The following DGKI variants were observed in gnomAD, a reference collection of about 807,000 sequenced individuals.
DGKI encodes the protein diacylglycerol kinase iota.
Under a neutral mutation model 147.5 loss-of-function variants are expected in DGKI, and 55 were observed. The ratio of observed to expected loss-of-function variants is 0.37; its 90% CI spans 0.30 to 0.47. The LOEUF (loss-of-function observed/expected upper bound fraction) is 0.47. DGKI is among the 20% of genes least tolerant of loss of function. The pLI is 1.00. For synonymous variants in DGKI, 469 were observed against 477.1 expected, an observed-to-expected ratio of 0.98 and a Z score of 0.22; for missense variants, 1,007 against 1,323.8, an observed-to-expected ratio of 0.76 and a Z score of 3.71.
At chr7:137,728,438 T>C (rs1329618038) in intron 1 of DGKI, among the ~76,000 whole-genome samples, 1 of 152,136 alleles carries the variant, frequency 6.6e-6, no homozygotes, top group African/African-American at 2.4e-5. Context: ...GACTTAAACT[T>C]TCAGTCTGTA....
chr7:137,416,107 G>T (rs937569205), intron 28 of DGKI, among the ~76,000 whole-genome samples: 6 of 152,148 alleles, frequency 3.9e-5, no homozygotes, highest in Non-Finnish European at 8.8e-5. Context: ...AACAGAGAAA[G>T]AAAGGAGAAA....
At chr7:137,813,708 T>G (rs1797657956) in intron 1 of DGKI, among the ~76,000 whole-genome samples, 2 of 152,338 alleles carry the variant, frequency 1.3e-5, no homozygotes, top group African/African-American at 2.4e-5. Flanking sequence ...TTTCAAATCT[T>G]AAAAGAGCTT....
At chr7:137,619,321 T>G (rs1330367613) in intron 8 of DGKI, among the ~76,000 whole-genome samples, 1 of 152,078 alleles carries the variant, frequency 6.6e-6, no homozygotes, top group Non-Finnish European at 1.5e-5. Flanking sequence ...TACTTTGCCT[T>G]AAGAAAAAAA....
intron 8 of DGKI, among the ~76,000 whole-genome samples, chr7:137,610,277 C>T (rs576858650): frequency 6.6e-6 from 1 of 152,132 alleles, no homozygotes; most frequent in South Asian, 2.1e-4. Context: ...AAAAGTTTTC[C>T]CTCCCCTGGT....
chr7:137,597,068 A>T (rs907512337), intron 12 of DGKI, among the ~76,000 whole-genome samples: 1 of 152,194 alleles, frequency 6.6e-6, no homozygotes, highest in African/African-American at 2.4e-5. Flanking sequence ...AGGCATAATA[A>T]ACAGGAGAAA....
intron 3 of DGKI, among the ~76,000 whole-genome samples, chr7:137,657,714 C>T (rs540498755): frequency 6.6e-6 from 1 of 152,172 alleles, no homozygotes; most frequent in Non-Finnish European, 1.5e-5. Flanking sequence ...CTTCCCCTTC[C>T]GAGGAGTGGT....
intron 1 of DGKI, among the ~76,000 whole-genome samples, chr7:137,753,081 C>G (rs190043414): frequency 6.6e-6 from 1 of 152,068 alleles, no homozygotes; most frequent in East Asian, 1.9e-4. Flanking sequence ...CCCACAATAC[C>G]CACTTGGAAG....
At chr7:137,598,873 A>G (rs1337103064) in intron 11 of DGKI, among the ~76,000 whole-genome samples, 1 of 151,956 alleles carries the variant, frequency 6.6e-6, no homozygotes, top group Non-Finnish European at 1.5e-5. Flanking sequence ...ATAAATATAT[A>G]TATATGTATT....
At position 137,469,602 on chromosome 7, in the gene DGKI, G is replaced by A. The variant is rs1258596017; in HGVS notation, c.2391C>T (p.Phe797=). Residue 797 remains phenylalanine (F), a synonymous_variant, in exon 24 of 33, where the codon TTC becomes TTT. Coordinates refer to ENST00000614521, the MANE Select transcript of DGKI (RefSeq NM_001321708.2). The part of the protein sequence containing the change: ...RVHYQDHETS[F]PRALSAQRLS... ...GCCTCTGTGCTGAGAGAGCCCTGGG[G>A]AAGGAGGTTTCATGGTCCTGGAAAG... 3.1e-6 allele frequency: 5 copies of A among 1,613,998 alleles called. No individual in the cohort carries two copies. The highest frequency in any genetic ancestry group is 4.2e-6 in the Non-Finnish European group (5 of 1,179,938).
chr7:137,627,371 G>A (rs1820980123), intron 6 of DGKI, among the ~76,000 whole-genome samples: 1 of 152,216 alleles, frequency 6.6e-6, no homozygotes, highest in East Asian at 1.9e-4. Context: ...TCCTTGTCTA[G>A]TTCTTAGCAA....
At chr7:137,808,953 C>A (rs1156343594) in intron 1 of DGKI, among the ~76,000 whole-genome samples, 3 of 152,146 alleles carry the variant, frequency 2.0e-5, no homozygotes, top group African/African-American at 7.2e-5. Flanking sequence ...GGAGCTTTCT[C>A]AAACTCCACA....
chr7:137,656,643 C>T, intron 3 of DGKI, 103 bp from the exon 4 acceptor site: 1 of 1,023,598 alleles, frequency 9.8e-7, no homozygotes, highest in South Asian at 1.5e-5. Flanking sequence ...ATAAATACAG[C>T]AAACATTGTA....
chr7:137,665,348 A>T (rs931051508), intron 3 of DGKI, among the ~76,000 whole-genome samples: 2 of 152,184 alleles, frequency 1.3e-5, no homozygotes, highest in African/African-American at 4.8e-5. Flanking sequence ...TGAATTCCTT[A>T]TATTTTGTCC....
At chr7:137,579,231 T>G (rs1477074450) in intron 15 of DGKI, among the ~76,000 whole-genome samples, 4 of 152,102 alleles carry the variant, frequency 2.6e-5, no homozygotes, top group Non-Finnish European at 5.9e-5. Flanking sequence ...CCGCAGACAG[T>G]GCCTGTGTTG....
chr7:137,498,808 A>G (rs1381841101), intron 21 of DGKI, among the ~76,000 whole-genome samples: 2 of 152,206 alleles, frequency 1.3e-5, no homozygotes, highest in African/African-American at 2.4e-5. Context: ...ACCCCCTGAC[A>G]TGCTCTGCCT....
At chr7:137,546,944 A>G (rs934061084) in intron 20 of DGKI, among the ~76,000 whole-genome samples, 20 of 152,210 alleles carry the variant, frequency 1.3e-4, no homozygotes, top group Admixed American at 9.2e-4. Context: ...GCTCAATTCA[A>G]AGTTTGCTGA....
chr7:137,699,101 C>T (rs557876389), intron 1 of DGKI, among the ~76,000 whole-genome samples: 14 of 152,266 alleles, frequency 9.2e-5, no homozygotes, highest in East Asian at 7.7e-4. Flanking sequence ...ATTCAATGTC[C>T]GGTGAGGGTC....
At chr7:137,407,444 T>A (rs1011675492) in intron 30 of DGKI, among the ~76,000 whole-genome samples, 2 of 150,976 alleles carry the variant, frequency 1.3e-5, no homozygotes, top group South Asian at 2.1e-4. Flanking sequence ...GAAAAAAAAA[T>A]GAGAAACTGG....
chr7:137,551,201 C>T (rs1818033596), intron 20 of DGKI, among the ~76,000 whole-genome samples: 1 of 152,034 alleles, frequency 6.6e-6, no homozygotes, highest in African/African-American at 2.4e-5. Flanking sequence ...GGATTTTTTA[C>T]CCCAGCTTCA....
Sources: allele counts gnomAD v4.1 joint callset (sites outside exome capture counted in the v4.1 genomes callset), GRCh38; gene constraint gnomAD v4.1.1; transcripts MANE v1.5; gene names NCBI Gene and HGNC (gene_info 2026-07-23, HGNC 2026-07-21).